The following PRMT1 variants were observed in gnomAD, a reference collection of about 807,000 sequenced individuals.
PRMT1 encodes protein arginine methyltransferase 1.
PRMT1 carries 5 observed loss-of-function variants against 47.4 expected under a neutral mutation model. The ratio of observed to expected loss-of-function variants is 0.11; its 90% CI spans 0.06 to 0.22. The LOEUF is 0.22. Among genes scored for constraint, PRMT1 ranks in the 10% least tolerant of loss-of-function variants. PRMT1 has a pLI of 1.00. For missense variants in PRMT1, 249 were observed against 518.4 expected, an observed-to-expected ratio of 0.48 and a Z score of 5.05; for synonymous variants, 227 against 204.6, an observed-to-expected ratio of 1.11 and a Z score of -0.94.
At position 49,682,169 on chromosome 19, in the gene PRMT1, C is replaced by T. The variant is rs779116028; in HGVS notation, c.349-27C>T. The T allele has an allele frequency of 8.7e-6, 14 of 1,613,286 alleles. No individual in the cohort carries two copies. The South Asian group carries it at 1.5e-4, about 18-fold the overall frequency. On this transcript the variant is annotated intron_variant, in intron 4 of 10. Transcript: ENST00000454376. ...GGTGATGGGGGCAGGGGATGGGTCT[C>T]ACCCTCCCTTCTTCCTGGGCCCTCA...
chr19:49,678,605 C>T (rs1411365021), intron 1 of PRMT1, among the ~76,000 whole-genome samples: 1 of 152,070 alleles, frequency 6.6e-6, no homozygotes, highest in Non-Finnish European at 1.5e-5. Context: ...GGATAGTGGT[C>T]ACATCTGGAA....
rs2082100937 is a variant in PRMT1 at position 49,680,467 on chromosome 19, TC to T, written c.91-17del. On this transcript the variant is annotated intron_variant, in intron 2 of 10. Transcript: ENST00000454376. The surrounding 1 kb of genome is among the most constrained non-coding windows in gnomAD (Gnocchi z 4.2). ...GGGAGCCCCCAGATCTGACCCATGA[TC>T]CCATCGGCCCCCTCCCAGGTGTCCT... is the stretch of plus-strand genomic sequence containing the variant. The T allele has an allele frequency of 1.3e-6, 2 of 1,594,340 alleles. No individual in the cohort carries two copies. The highest frequency in any genetic ancestry group is 1.3e-5 in the African/African-American group (1 of 74,576).
rs1271969094 is a variant in PRMT1, at chr19:49,679,535, T to A, written c.37-337T>A. 4 of 602,118 alleles carry A rather than the reference T, an allele frequency of 6.6e-6. No individual in the cohort carries two copies. The Admixed American group carries it at 8.4e-5, about 13-fold the overall frequency. 37.3% of individuals were successfully genotyped at this position (602,118 alleles called of 1,614,324 possible). ...ACCTAATCTGGAGGAGATTAGGTGA[T>A]GAGAGGGAGCGACAGCTGGCGGTGG... On this transcript the variant is annotated intron_variant, in intron 1 of 10. Transcript: ENST00000454376.
rs140027772 is a variant in PRMT1 at position 49,686,191 on chromosome 19, C to T, written c.858C>T (p.Ala286=). ...ATGACTACGTGCACGCCCTGGTGGC[C>T]TACTTCAACATCGAGTTCACACGCT... ...KRNDYVHALV[A]YFNIEFTRCH... is the part of the protein sequence containing the mutation. The change falls in exon 9 of 11, where the codon GCC becomes GCT. Residue 286 remains alanine, a synonymous_variant. Transcript: ENST00000454376. The T allele has an allele frequency of 7.4e-6, 12 of 1,613,572 alleles. No homozygotes were observed. Among genetic ancestry groups the T allele is most frequent in the Non-Finnish European group, 1.0e-5 (12 of 1,179,724 alleles).
chr19:49,679,784 C>A, intron 1 of PRMT1, 88 bp from the exon 2 acceptor site: 3 of 973,098 alleles, frequency 3.1e-6, no homozygotes, highest in Non-Finnish European at 4.9e-6. Context: ...TGGAAACCCA[C>A]CCCCCGGCCA....
chr19:49,678,564 T>C (rs537246601), intron 1 of PRMT1, among the ~76,000 whole-genome samples: 15 of 152,292 alleles, frequency 9.8e-5, no homozygotes, highest in African/African-American at 3.1e-4. Flanking sequence ...TAGTAGGTCA[T>C]GGCCTGTGAC....
In PRMT1 at chr19:49,686,586, G is replaced by A. The variant is rs1033250286; in HGVS notation, c.911-19G>A. The A allele has an allele frequency of 2.5e-6, 4 of 1,598,716 alleles. No individual in the cohort carries two copies. The highest frequency in any genetic ancestry group is 3.4e-6 in the Non-Finnish European group (4 of 1,173,228). ...GGGGGGCAGCAGGCCGAGGCCGGCTGACCCGCCCGCGCCCCCAGGCCCCGA... is the reference window on the plus strand; with the variant it reads ...GGGGGGCAGCAGGCCGAGGCCGGCTAACCCGCCCGCGCCCCCAGGCCCCGA... On this transcript the variant is annotated intron_variant, in intron 9 of 10. Coordinates refer to ENST00000454376, the MANE Select transcript of PRMT1 (RefSeq NM_001536.6).
At chr19:49,687,426 A>G (rs898700726) in intron 10 of PRMT1, among the ~76,000 whole-genome samples, 5 of 151,892 alleles carry the variant, frequency 3.3e-5, no homozygotes, top group African/African-American at 1.2e-4. Flanking sequence ...CACTCAGGGT[A>G]GTCATGGAAT....
At chr19:49,678,982 C>T (rs1599936563) in intron 1 of PRMT1, among the ~76,000 whole-genome samples, 2 of 151,422 alleles carry the variant, frequency 1.3e-5, no homozygotes, top group East Asian at 3.9e-4. Context: ...CTCCCGGGTT[C>T]AAGCGATTCT....
intron 4 of PRMT1, 37 bp from the exon 5 acceptor site, chr19:49,682,146 TGATGGGGGCAGGG>T (rs2082128220): frequency 6.2e-7 from 1 of 1,613,062 alleles, no homozygotes; most frequent in Admixed American, 1.7e-5. Context: ...TGGATGGAGG[TGATGGGGGCAGGG>T]GATGGGTCTC....
In PRMT1 at chr19:49,680,217, G is replaced by T; in HGVS notation, c.91-270G>T. On this transcript the variant is annotated intron_variant, in intron 2 of 10. Coordinates refer to ENST00000454376, the MANE Select transcript of PRMT1 (RefSeq NM_001536.6). This position sits in a 1 kb window ranked among gnomAD's most constrained non-coding sequence, Gnocchi z 4.2. ...CAGCTGTGGGCTGAGCTAGAGACGGGGTCAGAGAGACTGGAGAGATGGTAG... is the reference window on the plus strand; with the variant it reads ...CAGCTGTGGGCTGAGCTAGAGACGGTGTCAGAGAGACTGGAGAGATGGTAG... 1.9e-6 allele frequency: 3 copies of T among 1,597,998 alleles called. 1 individual carries two copies. The South Asian group carries it at 3.4e-5, about 18-fold the overall frequency.
Position 49,682,279 on chromosome 19 carries a change from G to A in PRMT1, c.412+20G>A, listed in dbSNP as rs201373984. ...ACCACGGTGAGCCCAGAAAGAGGATGGGTTTGTGGGAGTGGAGGGGGTGAT... is the reference window on the plus strand; with the variant it reads ...ACCACGGTGAGCCCAGAAAGAGGATAGGTTTGTGGGAGTGGAGGGGGTGAT... On this transcript the variant is annotated intron_variant, in intron 5 of 10. Transcript: ENST00000454376. The A allele has an allele frequency of 1.2e-6, 2 of 1,610,832 alleles. No homozygotes were observed. The highest frequency in any genetic ancestry group is 1.1e-5 in the South Asian group (1 of 90,948).
At position 49,688,041 on chromosome 19, in the gene PRMT1, C is replaced by G; in HGVS notation, c.1033-121C>G. On this transcript the variant is annotated intron_variant, in intron 10 of 10. Transcript: ENST00000454376. This position sits in a 1 kb window ranked among gnomAD's most constrained non-coding sequence, Gnocchi z 5.3. The stretch of plus-strand genomic sequence containing the variant: ...CTAGGGTGGGACCAGCAGTTGGGGT[C>G]TGCAGCGTGGAGATGGGCAGGAAGC... The G allele has an allele frequency of 1.1e-6, 1 of 904,016 alleles. No homozygotes were observed. The highest frequency in any genetic ancestry group is 1.8e-6 in the Non-Finnish European group (1 of 542,802). The allele number at this position is 904,016 out of a possible 1,614,324, so 56.0% of individuals were successfully genotyped here.
chr19:49,686,560 G>C (rs562887229), intron 9 of PRMT1, 45 bp from the exon 10 acceptor site: 31 of 1,583,428 alleles, frequency 2.0e-5, no homozygotes, highest in Middle Eastern at 2.3e-4. Flanking sequence ...GGTGGGGTTG[G>C]GGGGGGCAGC....
intron 1 of PRMT1, chr19:49,678,350 T>G (rs1409496296): frequency 1.3e-5 from 2 of 152,276 alleles, no homozygotes; most frequent in African/African-American, 4.8e-5. Context: ...GTGCCTGAAA[T>G]GGTTTCGAGT....
chr19:49,677,575 G>A (rs1037509719), intron 1 of PRMT1: 8 of 375,680 alleles, frequency 2.1e-5, no homozygotes, highest in African/African-American at 1.7e-4. Flanking sequence ...CTTCCGGCCA[G>A]GCCCCCACGT....
In PRMT1 at chr19:49,680,629, CT is replaced by C; in HGVS notation, c.192+43del. 6.7e-7 allele frequency: 1 copy of C among 1,487,926 alleles called. No homozygotes were observed. Among genetic ancestry groups the C allele is most frequent in the Non-Finnish European group, 9.4e-7 (1 of 1,066,220 alleles). The allele number at this position is 1,487,926 out of a possible 1,614,324, so 92.2% of individuals were successfully genotyped here. On this transcript the variant is annotated intron_variant, in intron 3 of 10. Transcript: ENST00000454376. The surrounding 1 kb of genome is among the most constrained non-coding windows in gnomAD (Gnocchi z 4.2). ...CCCCAAGGCCCCAATCTTAGGGGGG[CT>C]TAAATGTTGGGGAAGGGGTGGAACC...
chr19:49,679,026 G>A (rs2122933062), intron 1 of PRMT1, among the ~76,000 whole-genome samples: 1 of 152,120 alleles, frequency 6.6e-6, no homozygotes, highest in South Asian at 2.1e-4. Flanking sequence ...TGGGATTACA[G>A]GCACCCGCCA....
chr19:49,677,704 G>A (rs2082057630), intron 1 of PRMT1: 1 of 170,816 alleles, frequency 5.9e-6, no homozygotes, highest in African/African-American at 2.4e-5. Context: ...GCGGGGAGGG[G>A]GTCCGACCCT....
Sources: allele counts gnomAD v4.1 joint callset (sites outside exome capture counted in the v4.1 genomes callset), GRCh38; gene constraint gnomAD v4.1.1; non-coding constraint Gnocchi (gnomAD v3.1); transcripts MANE v1.5; gene names NCBI Gene and HGNC (gene_info 2026-07-23, HGNC 2026-07-21).